Variants in MTPAP observed in about 807,000 individuals in gnomAD.
MTPAP encodes the protein poly(A) RNA polymerase, mitochondrial.
MTPAP carries 23 observed loss-of-function variants against 48.7 expected under a neutral mutation model. The observed-to-expected ratio is 0.47, with a 90% CI of 0.34 to 0.67. MTPAP has a LOEUF of 0.67. Among genes scored for constraint, MTPAP ranks in the 30% least tolerant of loss-of-function variants. The pLI, the probability that MTPAP is intolerant of heterozygous loss-of-function variation, is 0.01. For missense variants in MTPAP, 614 were observed against 694.3 expected (o/e 0.88, Z 1.30); for synonymous variants, 257 against 254.1 (o/e 1.01, Z -0.11).
At chr10:30,321,119 G>A (rs980010524) in intron 6 of MTPAP, among the ~76,000 whole-genome samples, 10 of 152,130 alleles carry the variant, frequency 6.6e-5, no homozygotes, top group African/African-American at 2.4e-4. Context: ...ATGACACTAA[G>A]GGATGAAATG....
Position 30,310,557 on chromosome 10 carries a change from T to C in MTPAP, c.*3052A>G, listed in dbSNP as rs1217584400. The C allele has an allele frequency of 1.5e-5, 2 of 135,672 alleles. No individual in the cohort carries two copies. The highest frequency in any genetic ancestry group is 3.1e-5 in the Non-Finnish European group (2 of 64,978). The allele number at this position is 135,672 out of a possible 1,614,324, so 8.4% of individuals were successfully genotyped here. A position where few individuals can be genotyped will look rare whatever the true frequency, so the allele number is the denominator to read the frequency against. On this transcript the variant is annotated 3_prime_UTR_variant, in exon 9 of 9. Transcript: ENST00000263063. ...GCCAAGATCACTGCACTCTCCAGCC[T>C]GGGTGACAGAGGGAGACCCATCTCA...
chr10:30,347,245 T>C (rs74624279), intron 1 of MTPAP, among the ~76,000 whole-genome samples: 3,715 of 152,334 alleles, frequency 0.024, 64 homozygotes, highest in Non-Finnish European at 0.04. Context: ...TAGCTCACTA[T>C]AAATATTTTT....
intron 4 of MTPAP, among the ~76,000 whole-genome samples, chr10:30,335,616 G>T (rs1477435944): frequency 6.6e-6 from 1 of 152,100 alleles, no homozygotes; most frequent in East Asian, 1.9e-4. Context: ...GTGTTAAAGA[G>T]AACATAAATG....
At chr10:30,316,745 C>A (rs1235876756) in intron 6 of MTPAP, among the ~76,000 whole-genome samples, 1 of 151,756 alleles carries the variant, frequency 6.6e-6, no homozygotes, top group African/African-American at 2.4e-5. Flanking sequence ...CAAAAATTAG[C>A]CAGGCATGGT....
At chr10:30,337,156 G>T in intron 3 of MTPAP, 129 bp from the exon 4 acceptor site, 1 of 832,448 alleles carries the variant, frequency 1.2e-6, no homozygotes, top group Non-Finnish European at 2.0e-6. Flanking sequence ...CTGGCGCAGT[G>T]GCTCACGCCT....
chr10:30,321,964 T>C (rs905889618), intron 6 of MTPAP, among the ~76,000 whole-genome samples: 1 of 152,244 alleles, frequency 6.6e-6, no homozygotes, highest in Admixed American at 6.5e-5. Flanking sequence ...ATGCTTTTCA[T>C]TAAAAACACA....
chr10:30,337,579 A>G (rs1834744704), intron 3 of MTPAP, among the ~76,000 whole-genome samples: 1 of 152,170 alleles, frequency 6.6e-6, no homozygotes, highest in African/African-American at 2.4e-5. Context: ...TATTTCACTA[A>G]AGAAATAAAT....
intron 6 of MTPAP, 27 bp from the exon 7 acceptor site, chr10:30,316,237 C>T (rs751316504): frequency 1.4e-5 from 22 of 1,567,936 alleles, no homozygotes; most frequent in Middle Eastern, 3.9e-4. Flanking sequence ...AAATATTTCA[C>T]GTGTTTTTTT....
chr10:30,327,531 TAAA>T (rs1564520705), intron 4 of MTPAP, among the ~76,000 whole-genome samples: 1 of 147,928 alleles, frequency 6.8e-6, no homozygotes, highest in Non-Finnish European at 1.5e-5. Flanking sequence ...AATAAATAAA[TAAA>T]TAAATAAATT....
chr10:30,327,683 T>C (rs767016087), intron 4 of MTPAP, among the ~76,000 whole-genome samples: 1 of 151,100 alleles, frequency 6.6e-6, no homozygotes, highest in Non-Finnish European at 1.5e-5. Flanking sequence ...CCGTCTCTAC[T>C]AAAAATACAA....
chr10:30,345,638 A>C (rs1834865731), intron 1 of MTPAP, among the ~76,000 whole-genome samples: 1 of 152,252 alleles, frequency 6.6e-6, no homozygotes. Flanking sequence ...CCAAAGGTTT[A>C]TCAAATCTAT....
rs1170723762 is a variant in MTPAP at position 30,316,172 on chromosome 10, T to G, written c.1258A>C (p.Thr420Pro). The G allele has an allele frequency of 6.2e-7, 1 of 1,613,872 alleles. No individual in the cohort carries two copies. The highest frequency in any genetic ancestry group is 8.5e-7 in the Non-Finnish European group (1 of 1,179,938). ...DKCVIEGNNC[T>P]FVRDLSRIKP... ...ATTCTACTCAAGTCACGAACAAATG[T>G]GCAGTTGTTGCCTTCTATTACACAT... Residue 420 changes from threonine (T) to proline (P), a missense_variant, in exon 7 of 9, where the codon ACA becomes CCA. Thr to Pro is a conservative substitution (Grantham distance 38, BLOSUM62 -1). Around this residue, in one of 5 missense-constraint regions of MTPAP, gnomAD observed 261 missense variants for 355.4 expected, o/e 0.73. Transcript: ENST00000263063.
At chr10:30,328,719 A>C (rs1834628449) in intron 4 of MTPAP, among the ~76,000 whole-genome samples, 1 of 152,126 alleles carries the variant, frequency 6.6e-6, no homozygotes, top group Non-Finnish European at 1.5e-5. Flanking sequence ...GGAGATCTCT[A>C]CTGGGAACTG....
At chr10:30,330,183 A>C (rs1834649113) in intron 4 of MTPAP, among the ~76,000 whole-genome samples, 1 of 152,220 alleles carries the variant, frequency 6.6e-6, no homozygotes, top group South Asian at 2.1e-4. Context: ...TCTGTCATTT[A>C]GATATTTTTA....
rs1840738637 is a variant in MTPAP at position 30,322,606 on chromosome 10, G to A, written c.1004C>T (p.Thr335Ile). The A allele has an allele frequency of 2.5e-6, 4 of 1,610,304 alleles. No individual in the cohort carries two copies. Among genetic ancestry groups the A allele is most frequent in the South Asian group, 1.1e-5 (1 of 90,918 alleles). ...ATATATATAAAGGAGTTCGGAACTT[G>A]TCAAGGCAATCCTTCAAAAAATAAA... Reference protein sequence around the residue: ...DLTTNNRIALTSSELLYIYGA... With the variant: ...DLTTNNRIALISSELLYIYGA... The change falls in exon 6 of 9, where the codon ACA (threonine) becomes ATA (isoleucine). Residue 335 changes from threonine to isoleucine, a missense_variant. Physicochemically the swap from Thr to Ile is moderately conservative, Grantham distance 89. This residue lies in a region of MTPAP where 261 missense variants were observed against 355.4 expected (regional missense o/e 0.73). Coordinates refer to ENST00000263063, the MANE Select transcript of MTPAP (RefSeq NM_018109.4).
At position 30,311,693 on chromosome 10, in the gene MTPAP, G is replaced by A. The variant is rs968543456; in HGVS notation, c.*1916C>T. 2.0e-5 allele frequency: 3 copies of A among 152,308 alleles called. No homozygotes were observed. Among genetic ancestry groups the A allele is most frequent in the Admixed American group, 6.5e-5 (1 of 15,276 alleles). 9.4% of individuals were successfully genotyped at this position (152,308 alleles called of 1,614,324 possible). On this transcript the variant is annotated 3_prime_UTR_variant, in exon 9 of 9. Transcript: ENST00000263063. ...TACTTGCTTCTTTTCCTTTGAGAGA[G>A]TCTCACTGTCGCCCAGGATGGAGTA...
At chr10:30,336,691 A>G (rs1206044970) in intron 4 of MTPAP, 112 bp downstream of exon 4, 8 of 891,312 alleles carry the variant, frequency 9.0e-6, no homozygotes, top group Non-Finnish European at 1.3e-5. Context: ...CTTTAACCAC[A>G]ATGTTTAATA....
At chr10:30,337,702 A>AC (rs1165484996) in intron 3 of MTPAP, among the ~76,000 whole-genome samples, 1 of 152,228 alleles carries the variant, frequency 6.6e-6, no homozygotes, top group Admixed American at 6.5e-5. Flanking sequence ...TTTTAAGAAA[A>AC]TGAAAGTAGT....
chr10:30,313,516 T>G lies in MTPAP; in HGVS notation c.*93A>C. The G allele has an allele frequency of 2.0e-6, 3 of 1,518,078 alleles. No individual in the cohort carries two copies. The highest frequency in any genetic ancestry group is 2.7e-6 in the Non-Finnish European group (3 of 1,099,648). 94.0% of individuals were successfully genotyped at this position (1,518,078 alleles called of 1,614,324 possible). A position where few individuals can be genotyped will look rare whatever the true frequency, so the allele number is the denominator to read the frequency against. ...ATGAAAAGTGACATCAGATGAAAGC[T>G]GAGATCTGTGAAAGTTTCAAATCAG... is the stretch of plus-strand genomic sequence containing the variant. On this transcript the variant is annotated 3_prime_UTR_variant, in exon 9 of 9. Coordinates refer to ENST00000263063, the MANE Select transcript of MTPAP (RefSeq NM_018109.4).
Sources: allele counts gnomAD v4.1 joint callset (sites outside exome capture counted in the v4.1 genomes callset), GRCh38; gene constraint gnomAD v4.1.1; regional missense constraint gnomAD v4.1.1; transcripts MANE v1.5; gene names NCBI Gene and HGNC (gene_info 2026-07-23, HGNC 2026-07-21).